The following GREB1L variants were observed in gnomAD, a reference collection of about 807,000 sequenced individuals.
GREB1L encodes the protein GREB1 like retinoic acid receptor coactivator, also known as GREB1-like protein.
Under a neutral mutation model 200.8 loss-of-function variants are expected in GREB1L, and 17 were observed. That is an observed-to-expected ratio of 0.08 (90% CI 0.06 to 0.13). The LOEUF (loss-of-function observed/expected upper bound fraction) is 0.13, where lower values mean the gene tolerates loss of function less well. GREB1L is among the 10% of genes least tolerant of loss of function. The pLI is 1.00. For synonymous variants in GREB1L, 789 were observed against 893.0 expected (o/e 0.88, Z 2.08); for missense variants, 1,657 against 2,367.7 (o/e 0.70, Z 6.23).
chr18:21,496,504 G>C lies in GREB1L; in HGVS notation c.3197G>C (p.Arg1066Pro), dbSNP rs766987038. The change falls in exon 21 of 33, where the codon CGC (arginine) becomes CCC (proline). Residue 1066 changes from arginine to proline, a missense_variant. Around this residue, in one of 9 missense-constraint regions of GREB1L, gnomAD observed 512 missense variants for 668.3 expected, o/e 0.77. Coordinates refer to ENST00000424526, the MANE Select transcript of GREB1L (RefSeq NM_001142966.3). ...LRLIDSSYLTRTALEQEVGLA... is the reference protein window; with the variant it reads ...LRLIDSSYLTPTALEQEVGLA... ...TTAATTGACTCAAGCTATTTAACTC[G>C]CACGGCCTTGGAGCAGGAGGTGGGT... 2 of 1,551,668 alleles carry C rather than the reference G, an allele frequency of 1.3e-6. No homozygotes were observed. Among genetic ancestry groups the C allele is most frequent in the Non-Finnish European group, 1.7e-6 (2 of 1,146,964 alleles).
At chr18:21,300,525 C>G (rs1445506305) in intron 1 of GREB1L, among the ~76,000 whole-genome samples, 1 of 152,194 alleles carries the variant, frequency 6.6e-6, no homozygotes, top group African/African-American at 2.4e-5. Context: ...TCCCATCCCC[C>G]TCTCTAAACA....
intron 1 of GREB1L, among the ~76,000 whole-genome samples, chr18:21,313,721 A>G (rs544974272): frequency 2.6e-5 from 4 of 152,240 alleles, no homozygotes; most frequent in Non-Finnish European, 5.9e-5. Context: ...TGGGTTTTAA[A>G]TACTTTCTCC....
intron 12 of GREB1L, chr18:21,450,726 G>A (rs758055035): frequency 8.1e-5 from 18 of 220,952 alleles, no homozygotes; most frequent in South Asian, 7.5e-4. Context: ...AGCCCCTGGC[G>A]GGGACAGGGA....
chr18:21,504,367 C>T (rs2036927390), intron 23 of GREB1L, among the ~76,000 whole-genome samples: 1 of 152,184 alleles, frequency 6.6e-6, no homozygotes, highest in Admixed American at 6.5e-5. Flanking sequence ...GACCCCATCT[C>T]TCACAAAAAT....
At chr18:21,286,313 A>G (rs2038356515) in intron 1 of GREB1L, among the ~76,000 whole-genome samples, 1 of 152,184 alleles carries the variant, frequency 6.6e-6, no homozygotes, top group Admixed American at 6.5e-5. Flanking sequence ...GGAGATGATT[A>G]TGTCTTCCAA....
chr18:21,334,705 C>A (rs187106232), intron 1 of GREB1L, among the ~76,000 whole-genome samples: 1 of 151,640 alleles, frequency 6.6e-6, no homozygotes, highest in African/African-American at 2.4e-5. Context: ...ACCCAGGAGG[C>A]GGAGGTTGCA....
At chr18:21,355,701 A>C (rs1377081638) in intron 1 of GREB1L, among the ~76,000 whole-genome samples, 1 of 152,156 alleles carries the variant, frequency 6.6e-6, no homozygotes, top group African/African-American at 2.4e-5. Flanking sequence ...TCAGAAATCT[A>C]CTCAAAGGCA....
chr18:21,405,216 C>CA (rs1235503250), intron 7 of GREB1L, among the ~76,000 whole-genome samples: 1 of 152,154 alleles, frequency 6.6e-6, no homozygotes, highest in African/African-American at 2.4e-5. Flanking sequence ...AACATGGTGT[C>CA]ACTAGGTATT....
intron 17 of GREB1L, among the ~76,000 whole-genome samples, chr18:21,479,725 T>G (rs564596788): frequency 1.5e-4 from 23 of 152,096 alleles, no homozygotes; most frequent in Non-Finnish European, 3.1e-4. Flanking sequence ...TTTTTAAGGT[T>G]TAATAATGGT....
rs139210324 is a variant in GREB1L at position 21,521,737 on chromosome 18, C to G, written c.5608+914C>G. ...CACAGAACAAGGCTAGGTGTGATGG[C>G]TCACGCCTGTAATCCCAGCACTTTG... is the stretch of plus-strand genomic sequence containing the variant. On this transcript the variant is annotated intron_variant, in intron 32 of 32. Coordinates refer to ENST00000424526, the MANE Select transcript of GREB1L (RefSeq NM_001142966.3). 2.5e-4 allele frequency among the ~76,000 whole-genome samples: 38 copies of G among 152,042 alleles called. No individual in the cohort carries two copies. The East Asian group carries it at 6.0e-3, about 24-fold the overall frequency.
chr18:21,286,428 T>A (rs764366713), intron 1 of GREB1L, among the ~76,000 whole-genome samples: 15 of 152,184 alleles, frequency 9.9e-5, no homozygotes, highest in Non-Finnish European at 1.8e-4. Context: ...CTAGAAATAA[T>A]GTTCATGTTT....
intron 7 of GREB1L, among the ~76,000 whole-genome samples, chr18:21,428,442 T>G (rs1273155340): frequency 6.7e-6 from 1 of 149,440 alleles, no homozygotes; most frequent in Non-Finnish European, 1.5e-5. Flanking sequence ...CTGTTTCTAA[T>G]TTGTTGAGTG....
At chr18:21,246,692 G>C (rs1435631374) in intron 1 of GREB1L, among the ~76,000 whole-genome samples, 1 of 151,998 alleles carries the variant, frequency 6.6e-6, no homozygotes, top group Non-Finnish European at 1.5e-5. Flanking sequence ...TAGTTTTCTT[G>C]TATTTTCAGT....
chr18:21,423,132 T>C (rs1255179675), intron 7 of GREB1L, among the ~76,000 whole-genome samples: 4 of 152,126 alleles, frequency 2.6e-5, no homozygotes, highest in South Asian at 2.1e-4. Flanking sequence ...GGTTTCACCA[T>C]GTTGGCCGGG....
chr18:21,375,878 C>T (rs2040050549), intron 2 of GREB1L, among the ~76,000 whole-genome samples: 1 of 152,006 alleles, frequency 6.6e-6, no homozygotes, highest in Non-Finnish European at 1.5e-5. Context: ...TAACTACCAC[C>T]ACCACCACCA....
chr18:21,427,917 G>A (rs1225888531), intron 7 of GREB1L, among the ~76,000 whole-genome samples: 1 of 152,088 alleles, frequency 6.6e-6, no homozygotes, highest in African/African-American at 2.4e-5. Flanking sequence ...TTGGCCGGGC[G>A]CGGTGGCTCA....
intron 29 of GREB1L, 125 bp downstream of exon 29, chr18:21,515,769 G>A (rs1359646493): frequency 5.7e-6 from 4 of 707,774 alleles, no homozygotes; most frequent in Admixed American, 2.7e-5. Flanking sequence ...ATGTGGGCAA[G>A]GAGAAAGGGG....
At chr18:21,266,842 C>T (rs560212292) in intron 1 of GREB1L, among the ~76,000 whole-genome samples, 1 of 152,262 alleles carries the variant, frequency 6.6e-6, no homozygotes, top group East Asian at 1.9e-4. Context: ...GTTAGATGGC[C>T]TCCTGGATTT....
chr18:21,513,945 A>C lies in GREB1L; in HGVS notation c.4860A>C (p.Ser1620=). 1.3e-6 allele frequency: 2 copies of C among 1,551,684 alleles called. No homozygotes were observed. Among genetic ancestry groups the C allele is most frequent in the South Asian group, 1.2e-5 (1 of 84,062 alleles). The change falls in exon 28 of 33, where the codon TCA becomes TCC. Residue 1620 remains serine (S), a synonymous_variant. Coordinates refer to ENST00000424526, the MANE Select transcript of GREB1L (RefSeq NM_001142966.3). The part of the protein sequence containing the change: ...VWPFIVMMDD[S]CVLWNIHSVQ... ...CTTTCATCGTCATGATGGATGACTC[A>C]TGTGTCCTATGGAACATTCACAGTG...
Sources: gnomAD v4.1 joint callset for allele counts (sites outside exome capture counted in the v4.1 genomes callset) on GRCh38, gnomAD v4.1.1 for gene constraint, gnomAD v4.1.1 regional missense constraint, MANE v1.5 for transcripts, NCBI Gene and HGNC (gene_info 2026-07-23, HGNC 2026-07-21) for gene names.